UGT2A2: variants seen among roughly 807,000 people sequenced by gnomAD.
UGT2A2 encodes UDP glucuronosyltransferase family 2 member A2, also known as UDP-glucuronosyltransferase 2A2.
Under a neutral mutation model 50.7 loss-of-function variants are expected in UGT2A2, and 60 were observed. The ratio of observed to expected loss-of-function variants is 1.18; its 90% confidence interval spans 0.96 to 1.47. The LOEUF is 1.47. Ranked by LOEUF, UGT2A2 falls within the 40% of genes most tolerant of loss-of-function variation. The pLI is 0.00. For synonymous variants in UGT2A2, 242 were observed against 214.6 expected (o/e 1.13, Z -1.11); for missense variants, 762 against 634.0 (o/e 1.20, Z -2.17).
At chr4:69,602,359 C>T (rs7671313) in intron 1 of UGT2A2, among the ~76,000 whole-genome samples, 36,333 of 135,560 alleles carry the variant, frequency 0.27, 9,990 homozygotes, top group Non-Finnish European at 0.3. Context: ...CTTATCAAGA[C>T]GAAAAAAAGT....
chr4:69,601,145 C>T (rs1476118423), intron 1 of UGT2A2, among the ~76,000 whole-genome samples: 1 of 152,132 alleles, frequency 6.6e-6, no homozygotes, highest in African/African-American at 2.4e-5. Context: ...CTTCCTGCTG[C>T]TACACATACT....
At chr4:69,608,180 AC>A in intron 1 of UGT2A2, among the ~76,000 whole-genome samples, 1 of 152,146 alleles carries the variant, frequency 6.6e-6, no homozygotes, top group Non-Finnish European at 1.5e-5. Flanking sequence ...CAAATGTCCA[AC>A]AATGATAGAC....
intron 1 of UGT2A2, among the ~76,000 whole-genome samples, chr4:69,615,852 A>G (rs1442220477): frequency 6.8e-6 from 1 of 147,668 alleles, no homozygotes; most frequent in Non-Finnish European, 1.5e-5. Context: ...GAGTGTGGAT[A>G]TTTCTCAAAA....
chr4:69,634,176 C>T (rs1397439278), intron 1 of UGT2A2, among the ~76,000 whole-genome samples: 1 of 151,946 alleles, frequency 6.6e-6, no homozygotes, highest in African/African-American at 2.4e-5. Flanking sequence ...ACCCGGGAGG[C>T]GGAGCTTGCA....
chr4:69,609,175 C>G (rs1391315082), intron 1 of UGT2A2, among the ~76,000 whole-genome samples: 1 of 127,032 alleles, frequency 7.9e-6, no homozygotes, highest in Non-Finnish European at 1.7e-5. Flanking sequence ...TTTTTTGACA[C>G]AGCGTTTTTC....
In UGT2A2 at chr4:69,599,381, C is replaced by T. The variant is rs141938191; in HGVS notation, c.756G>A (p.Thr252=). ...YYSKILGRPT[T]LCETMGKAEI... ...CAGCTTTCCCCATAGTCTCACATAACGTAGTGGGTCTTCCTGGAGAAAATG... is the reference window on the plus strand; with the variant it reads ...CAGCTTTCCCCATAGTCTCACATAATGTAGTGGGTCTTCCTGGAGAAAATG... The change falls in exon 2 of 6, where the codon ACG becomes ACA. Residue 252 remains threonine, a synonymous_variant. Transcript: ENST00000604629. 100 of 1,613,044 alleles carry T rather than the reference C, an allele frequency of 6.2e-5. 1 individual carries two copies. The highest frequency in any genetic ancestry group is 5.2e-4 in the South Asian group (47 of 90,934).
rs1718439025 is a variant in UGT2A2, at chr4:69,589,270, A to G, written c.*102T>C. 3 of 1,363,406 alleles carry G rather than the reference A, an allele frequency of 2.2e-6. No homozygotes were observed. The highest frequency in any genetic ancestry group is 2.9e-6 in the Non-Finnish European group (3 of 1,034,934). 84.5% of individuals were successfully genotyped at this position (1,363,406 alleles called of 1,614,324 possible). A position where few individuals can be genotyped will look rare whatever the true frequency, so the allele number is the denominator to read the frequency against. Reference sequence around the variant, plus strand: ...ATAGAAAATTTGGAAACAGGATGGGAGACGTGTTTTTGTTAAACTCCTTTT... The same window carrying G: ...ATAGAAAATTTGGAAACAGGATGGGGGACGTGTTTTTGTTAAACTCCTTTT... On this transcript the variant is annotated 3_prime_UTR_variant, in exon 6 of 6. Coordinates refer to ENST00000604629, the MANE Select transcript of UGT2A2 (RefSeq NM_001105677.2).
At chr4:69,622,769 C>T (rs1189388179) in intron 1 of UGT2A2, among the ~76,000 whole-genome samples, 1 of 151,570 alleles carries the variant, frequency 6.6e-6, no homozygotes, top group Non-Finnish European at 1.5e-5. Flanking sequence ...TTCACATGAC[C>T]CATAGGGTCA....
chr4:69,626,948 G>C (rs1211719943), intron 1 of UGT2A2, among the ~76,000 whole-genome samples: 1 of 151,606 alleles, frequency 6.6e-6, no homozygotes, highest in East Asian at 1.9e-4. Flanking sequence ...AGATGGTTTA[G>C]ACTCGACTTC....
At chr4:69,622,735 T>A (rs73824177) in intron 1 of UGT2A2, among the ~76,000 whole-genome samples, 9,602 of 151,808 alleles carry the variant, frequency 0.063, 326 homozygotes, top group African/African-American at 0.082. Context: ...GATGCTGCTA[T>A]TGTCTAGCAA....
rs751547912 is a variant in UGT2A2, at chr4:69,599,357, A to C, written c.780T>G (p.Ala260=). The C allele has an allele frequency of 1.9e-6, 3 of 1,613,816 alleles. No homozygotes were observed. The highest frequency in any genetic ancestry group is 2.5e-6 in the Non-Finnish European group (3 of 1,179,892). ...AATATGTTCGGATTAACCAAATTTC[A>C]GCTTTCCCCATAGTCTCACATAACG... ...PTTLCETMGK[A]EIWLIRTYWD... The change falls in exon 2 of 6, where the codon GCT becomes GCG. Residue 260 remains alanine, a synonymous_variant. Transcript: ENST00000604629.
intron 1 of UGT2A2, among the ~76,000 whole-genome samples, chr4:69,619,795 C>T (rs1054981531): frequency 6.6e-6 from 1 of 151,958 alleles, no homozygotes; most frequent in Non-Finnish European, 1.5e-5. Context: ...TATCTAAAAG[C>T]TAATCCATGA....
At chr4:69,636,229 C>A (rs1209374246) in intron 1 of UGT2A2, among the ~76,000 whole-genome samples, 1 of 152,114 alleles carries the variant, frequency 6.6e-6, no homozygotes, top group Non-Finnish European at 1.5e-5. Flanking sequence ...AATGGAAACG[C>A]CACAAAAATT....
chr4:69,638,875 A>G, intron 1 of UGT2A2, 24 bp downstream of exon 1: 2 of 1,527,410 alleles, frequency 1.3e-6, no homozygotes, highest in African/African-American at 1.4e-5. Flanking sequence ...TGGAGTCATT[A>G]AAAAGAGAAA....
intron 5 of UGT2A2, among the ~76,000 whole-genome samples, chr4:69,593,546 C>CTA (rs1393213292): frequency 1.3e-5 from 2 of 149,560 alleles, no homozygotes; most frequent in African/African-American, 2.4e-5. Context: ...ATCTACTAAG[C>CTA]TATATATATA....
intron 1 of UGT2A2, among the ~76,000 whole-genome samples, chr4:69,634,036 G>A (rs1258755040): frequency 6.6e-6 from 1 of 152,032 alleles, no homozygotes; most frequent in Non-Finnish European, 1.5e-5. Flanking sequence ...AGGAGCTCAG[G>A]AGATCGAGAC....
chr4:69,604,997 C>T lies in UGT2A2; in HGVS notation c.743-5603G>A, dbSNP rs575578995. On this transcript the variant is annotated intron_variant, in intron 1 of 5. Coordinates refer to ENST00000604629, the MANE Select transcript of UGT2A2 (RefSeq NM_001105677.2). ...AGAGACTTTGACACCCCACTGTCAA[C>T]GTTAGACAGATCAATGAGACAGAAA... 8.1e-5 allele frequency among the ~76,000 whole-genome samples: 11 copies of T among 136,096 alleles called. 3 individuals carry two copies. Among genetic ancestry groups the T allele is most frequent in the Admixed American group, 3.6e-4 (5 of 13,768 alleles). 89.3% of individuals were successfully genotyped at this position (136,096 alleles called of 152,430 possible). A position where few individuals can be genotyped will look rare whatever the true frequency, so the allele number is the denominator to read the frequency against.
intron 2 of UGT2A2, among the ~76,000 whole-genome samples, chr4:69,598,806 T>C (rs1021619721): frequency 2.6e-4 from 40 of 152,146 alleles, no homozygotes; most frequent in African/African-American, 9.2e-4. Context: ...TATTTCATTG[T>C]CTTTCTTCAA....
intron 1 of UGT2A2, among the ~76,000 whole-genome samples, chr4:69,613,888 T>C (rs775455838): frequency 6.6e-6 from 1 of 152,016 alleles, no homozygotes; most frequent in Admixed American, 6.6e-5. Flanking sequence ...TGAGTACAAA[T>C]TGAAAGCCTT....
Sources: gnomAD v4.1 joint callset for allele counts (sites outside exome capture counted in the v4.1 genomes callset) on GRCh38, gnomAD v4.1.1 for gene constraint, MANE v1.5 for transcripts, NCBI Gene and HGNC (gene_info 2026-07-23, HGNC 2026-07-21) for gene names.